Variants in SLC4A2 observed in about 807,000 individuals in gnomAD.
SLC4A2 encodes solute carrier family 4 member 2, also known as anion exchange protein 2.
In SLC4A2, 36 loss-of-function variants were observed where a neutral mutation model predicts 115.0. The observed-to-expected ratio is 0.31, with a 90% CI of 0.24 to 0.41. The LOEUF is 0.41. Ranked by LOEUF, SLC4A2 falls within the 10% of genes least tolerant of loss-of-function variation. The probability of loss-of-function intolerance (pLI) is 1.00; values close to 1 mark genes in which losing one functional copy is unlikely to be tolerated. For missense variants in SLC4A2, 1,252 were observed against 1,705.6 expected (o/e 0.73, Z 4.68); for synonymous variants, 708 against 708.3 (o/e 1.00, Z 0.01).
rs760062036 is a variant in SLC4A2, at chr7:151,074,645, C to A, written c.2881-30C>A. The A allele has an allele frequency of 4.4e-6, 7 of 1,584,714 alleles. No homozygotes were observed. The South Asian group carries it at 8.0e-5, about 18-fold the overall frequency. ...GCATGCCCTCCACATTCACCTTAAC[C>A]CTTGTCCCTACACTGTGTCTGCCCT... On this transcript the variant is annotated intron_variant, in intron 18 of 22. Coordinates refer to ENST00000413384, the MANE Select transcript of SLC4A2 (RefSeq NM_003040.4).
Position 151,075,476 on chromosome 7 carries a change from G to A in SLC4A2, c.3269G>A (p.Arg1090Gln), listed in dbSNP as rs1441901345. Residue 1090 changes from arginine (R) to glutamine (Q), a missense_variant, in exon 20 of 23, where the codon CGG becomes CAG. By Grantham distance (43) the Arg-to-Gln change is conservative. Transcript: ENST00000413384. ...KPKIQEVKEQ[R>Q]VTGLLVALLV... ...AAGATTCAGGAAGTCAAGGAGCAGC[G>A]GGTGACGGGGCTGCTGGTTGCCCTG... The A allele has an allele frequency of 2.5e-6, 4 of 1,601,128 alleles. No individual in the cohort carries two copies. The highest frequency in any genetic ancestry group is 2.2e-5 in the East Asian group (1 of 44,860).
rs761793099 is a variant in SLC4A2 at position 151,064,722 on chromosome 7, G to C, written c.414G>C (p.Arg138=). The change falls in exon 4 of 23, where the codon CGG becomes CGC. Residue 138 remains arginine, a synonymous_variant. Coordinates refer to ENST00000413384, the MANE Select transcript of SLC4A2 (RefSeq NM_003040.4). ...AGGCCAGCGAGGCTGAGGGGGCCCG[G>C]GCTCTCACTCAGCCGTCCCCTGTCT... ...EDEASEAEGA[R]ALTQPSPVST... 3 of 1,612,302 alleles carry C rather than the reference G, an allele frequency of 1.9e-6. No homozygotes were observed. The East Asian group carries it at 6.7e-5, about 36-fold the overall frequency.
chr7:151,072,658 CTTTT>C (rs748262534), intron 16 of SLC4A2, among the ~76,000 whole-genome samples: 2 of 137,530 alleles, frequency 1.5e-5, no homozygotes, highest in Non-Finnish European at 3.2e-5. Context: ...ACTTTTATTT[CTTTT>C]TTTTTTTTTT....
rs139323527 is a variant in SLC4A2 at position 151,072,612 on chromosome 7, A to G, written c.2535+476A>G. 4.1e-3 allele frequency among the ~76,000 whole-genome samples: 617 copies of G among 150,606 alleles called. 5 individuals are homozygous for G. The highest frequency in any genetic ancestry group is 0.014 in the African/African-American group (583 of 40,974). ...GGCCTTAATTTATTTTCAAACAGCA[A>G]CTCGAACTAGACAGATCAATCTTTC... On this transcript the variant is annotated intron_variant, in intron 16 of 22. Coordinates refer to ENST00000413384, the MANE Select transcript of SLC4A2 (RefSeq NM_003040.4).
Position 151,071,708 on chromosome 7 carries a change from G to A in SLC4A2, c.2211G>A (p.Leu737=). The A allele has an allele frequency of 6.2e-7, 1 of 1,610,482 alleles. No individual in the cohort carries two copies. Among genetic ancestry groups the A allele is most frequent in the Non-Finnish European group, 8.5e-7 (1 of 1,177,892 alleles). ...CCCTAGGAGAGAAGACGCAGGACCTGATAGGGGTGTCGGAGCTGATTATGT... is the reference window on the plus strand; with the variant it reads ...CCCTAGGAGAGAAGACGCAGGACCTAATAGGGGTGTCGGAGCTGATTATGT... ...GGLLGEKTQD[L]IGVSELIMST... Residue 737 remains leucine, a synonymous_variant, in exon 15 of 23, where the codon CTG becomes CTA. Coordinates refer to ENST00000413384, the MANE Select transcript of SLC4A2 (RefSeq NM_003040.4). This position sits in a 1 kb window ranked among gnomAD's most constrained non-coding sequence, Gnocchi z 5.5.
chr7:151,074,644 C>T lies in SLC4A2; in HGVS notation c.2881-31C>T, dbSNP rs1170709845. On this transcript the variant is annotated intron_variant, in intron 18 of 22. Coordinates refer to ENST00000413384, the MANE Select transcript of SLC4A2 (RefSeq NM_003040.4). Reference sequence around the variant, plus strand: ...GGCATGCCCTCCACATTCACCTTAACCCTTGTCCCTACACTGTGTCTGCCC... The same window carrying T: ...GGCATGCCCTCCACATTCACCTTAATCCTTGTCCCTACACTGTGTCTGCCC... The T allele has an allele frequency of 1.2e-5, 19 of 1,584,260 alleles. 1 individual carries two copies. In the South Asian group the frequency reaches 1.8e-4, roughly 15 times the overall value.
chr7:151,074,019 G>A lies in SLC4A2; in HGVS notation c.2536-20G>A, dbSNP rs769502987. The A allele has an allele frequency of 6.9e-5, 107 of 1,543,434 alleles. 2 individuals are homozygous for A. The South Asian group carries it at 1.0e-3, about 15-fold the overall frequency. On this transcript the variant is annotated intron_variant, in intron 16 of 22. Coordinates refer to ENST00000413384, the MANE Select transcript of SLC4A2 (RefSeq NM_003040.4). ...TTCTGCAGTCCAGCTGATGGAGGCCGTGTGGCCTCCTCTCCCCAGATCTTC... is the reference window on the plus strand; with the variant it reads ...TTCTGCAGTCCAGCTGATGGAGGCCATGTGGCCTCCTCTCCCCAGATCTTC...
intron 1 of SLC4A2, among the ~76,000 whole-genome samples, chr7:151,061,055 C>T (rs2150364671): frequency 6.6e-6 from 1 of 152,176 alleles, no homozygotes; most frequent in South Asian, 2.1e-4. Context: ...AGTGTCCTCC[C>T]CAGACTCCCT....
intron 2 of SLC4A2, chr7:151,063,208 G>T (rs1278950177): frequency 2.9e-6 from 4 of 1,380,512 alleles, no homozygotes; most frequent in African/African-American, 1.5e-5. Flanking sequence ...TGTGGGGGTG[G>T]GGTGAGGGGT....
At chr7:151,061,319 C>T (rs1271892868) in intron 1 of SLC4A2, 1 of 151,308 alleles carries the variant, frequency 6.6e-6, no homozygotes, top group Non-Finnish European at 1.5e-5. Context: ...CTGCTTCCCT[C>T]CTGCCGGTCC....
rs756555360 is a variant in SLC4A2 at position 151,074,169 on chromosome 7, C to T, written c.2666C>T (p.Ser889Phe). Residue 889 changes from serine (S) to phenylalanine (F), a missense_variant, in exon 17 of 23, where the codon TCT (serine) becomes TTT (phenylalanine). This residue lies in a region of SLC4A2 where 55 missense variants were observed against 48.6 expected (regional missense o/e 1.13). Coordinates refer to ENST00000413384, the MANE Select transcript of SLC4A2 (RefSeq NM_003040.4). ...GGCAACAGGAGCTTGGCTGGGCAGT[C>T]TGGGCAGGGGAAGCCCCGGGGCCAG... is the stretch of plus-strand genomic sequence containing the variant. Reference protein sequence around the residue: ...GPGNRSLAGQSGQGKPRGQPN... With the variant: ...GPGNRSLAGQFGQGKPRGQPN... The T allele has an allele frequency of 6.2e-7, 1 of 1,612,762 alleles. No individual in the cohort carries two copies. Among genetic ancestry groups the T allele is most frequent in the South Asian group, 1.1e-5 (1 of 91,060 alleles).
chr7:151,072,724 T>C (rs1397455202), intron 16 of SLC4A2, among the ~76,000 whole-genome samples: 3 of 149,546 alleles, frequency 2.0e-5, no homozygotes. Context: ...TTTGGTGCAA[T>C]CTCTGCTCAC....
chr7:151,074,592 G>A, intron 18 of SLC4A2, 83 bp from the exon 19 acceptor site: 2 of 1,573,416 alleles, frequency 1.3e-6, no homozygotes, highest in South Asian at 2.3e-5. Context: ...GCTTAAGCCT[G>A]TCCTTAAGAT....
chr7:151,068,242 C>T (rs960214525), intron 8 of SLC4A2, among the ~76,000 whole-genome samples, 188 bp downstream of exon 8: 11 of 152,264 alleles, frequency 7.2e-5, no homozygotes, highest in African/African-American at 2.4e-4. Context: ...CAACTGAAGC[C>T]GATGTGTTTT....
intron 18 of SLC4A2, 62 bp from the exon 19 acceptor site, chr7:151,074,613 T>C: frequency 6.4e-7 from 1 of 1,568,734 alleles, no homozygotes; most frequent in Admixed American, 1.7e-5. Context: ...GCCATCCCCT[T>C]TCCATGGCAT....
At position 151,074,483 on chromosome 7, in the gene SLC4A2, A is replaced by T. The variant is rs765631153; in HGVS notation, c.2875A>T (p.Thr959Ser). 3 of 1,613,754 alleles carry T rather than the reference A, an allele frequency of 1.9e-6. No homozygotes were observed. Among genetic ancestry groups the T allele is most frequent in the Non-Finnish European group, 2.5e-6 (3 of 1,179,898 alleles). The change falls in exon 18 of 23, where the codon ACC becomes TCC. Residue 959 changes from threonine (T) to serine (S), a missense_variant. Thr to Ser is a moderately conservative substitution (Grantham distance 58, BLOSUM62 1). Around this residue, in one of 14 missense-constraint regions of SLC4A2, gnomAD observed 253 missense variants for 407.4 expected, o/e 0.62. Transcript: ENST00000413384. ...LVDYSIEDTY[T>S]QKLSVPSGFS... ...GGATTACAGTATTGAGGACACCTAT[A>T]CCCAGGTAAGGTGCTGCCCACAGCA...
chr7:151,062,489 C>A, intron 2 of SLC4A2: 1 of 1,336,762 alleles, frequency 7.5e-7, no homozygotes, highest in Non-Finnish European at 9.6e-7. Flanking sequence ...CTCCACATGG[C>A]CCCCTTTGGA....
intron 18 of SLC4A2, 46 bp from the exon 19 acceptor site, chr7:151,074,629 C>A (rs770873043): frequency 6.3e-7 from 1 of 1,576,712 alleles, no homozygotes; most frequent in Admixed American, 1.7e-5. Context: ...GGCATGCCCT[C>A]CACATTCACC....
chr7:151,062,980 GC>G (rs1233415961), intron 2 of SLC4A2: 5 of 1,415,790 alleles, frequency 3.5e-6, no homozygotes, highest in Non-Finnish European at 4.6e-6. Flanking sequence ...GCATACCCCC[GC>G]CCTTGGAGAT....
Sources: allele counts gnomAD v4.1 joint callset (sites outside exome capture counted in the v4.1 genomes callset), GRCh38; gene constraint gnomAD v4.1.1; regional missense constraint gnomAD v4.1.1; non-coding constraint Gnocchi (gnomAD v3.1); transcripts MANE v1.5; gene names NCBI Gene and HGNC (gene_info 2026-07-23, HGNC 2026-07-21).